Variants in MYCBP2 observed in about 807,000 individuals in gnomAD.
MYCBP2 encodes MYC binding protein 2.
MYCBP2 carries 120 observed loss-of-function variants against 525.3 expected under a neutral mutation model. The ratio of observed to expected loss-of-function variants is 0.23; its 90% CI spans 0.20 to 0.27. MYCBP2 has a LOEUF of 0.27. MYCBP2 is among the 10% of genes least tolerant of loss of function. MYCBP2 has a pLI of 1.00. For missense variants in MYCBP2, 4,149 were observed against 5,657.1 expected (o/e 0.73, Z 8.55); for synonymous variants, 1,894 against 1,955.8 (o/e 0.97, Z 0.83).
At chr13:77,174,602 A>T (rs2059434893) in intron 36 of MYCBP2, 113 bp from the exon 37 acceptor site, 1 of 758,724 alleles carries the variant, frequency 1.3e-6, no homozygotes, top group Non-Finnish European at 2.1e-6. Context: ...ATATTTACAG[A>T]TGATATAATT....
rs1237558839 is a variant in MYCBP2 at position 77,326,216 on chromosome 13, A to G, written c.302+258T>C. Among the ~76,000 whole-genome samples, 3 of 141,336 alleles carry G rather than the reference A, an allele frequency of 2.1e-5. No homozygotes were observed. The East Asian group carries it at 6.1e-4, about 29-fold the overall frequency. 92.7% of individuals were successfully genotyped at this position (141,336 alleles called of 152,430 possible). A position where few individuals can be genotyped will look rare whatever the true frequency, so the allele number is the denominator to read the frequency against. On this transcript the variant is annotated intron_variant, in intron 1 of 82. Coordinates refer to ENST00000544440, the MANE Select transcript of MYCBP2 (RefSeq NM_015057.5). This position sits in a 1 kb window ranked among gnomAD's most constrained non-coding sequence, Gnocchi z 4.2. ...ATCACAGGTTCCCCTACCACCCCTC[A>G]CTATCCCCCCACATAGGCAGGCAGA... is the stretch of plus-strand genomic sequence containing the variant.
Position 77,174,372 on chromosome 13 carries a change from T to G in MYCBP2, c.5590A>C (p.Ser1864Arg). The G allele has an allele frequency of 6.2e-7, 1 of 1,614,218 alleles. No homozygotes were observed. Among genetic ancestry groups the G allele is most frequent in the Non-Finnish European group, 8.5e-7 (1 of 1,180,026 alleles). ...DGVTFTFSTCSLSSNGTNQTR... is the reference protein window; with the variant it reads ...DGVTFTFSTCRLSSNGTNQTR... ...TGGTTTGTGCCGTTACTGCTCAAGC[T>G]GCACGTGCTGAATGTGAATGTCACA... The change falls in exon 37 of 83, where the codon AGC becomes CGC. Residue 1864 changes from serine (S) to arginine (R), a missense_variant. This residue lies in a region of MYCBP2 where 109 missense variants were observed against 118.9 expected (regional missense o/e 0.92). Transcript: ENST00000544440.
intron 41 of MYCBP2, among the ~76,000 whole-genome samples, chr13:77,165,921 C>A (rs2058471813): frequency 6.6e-6 from 1 of 152,176 alleles, no homozygotes. Flanking sequence ...TTTCTCTTCA[C>A]ACAAGAAAGT....
chr13:77,097,317 C>T, intron 56 of MYCBP2, 53 bp downstream of exon 56: 5 of 1,533,164 alleles, frequency 3.3e-6, no homozygotes, highest in Non-Finnish European at 4.4e-6. Flanking sequence ...ATAAAGTGAT[C>T]TGGTTCATTA....
chr13:77,048,544 A>G (rs577609623), intron 82 of MYCBP2, among the ~76,000 whole-genome samples: 114 of 152,302 alleles, frequency 7.5e-4, no homozygotes, highest in African/African-American at 2.6e-3. Context: ...CCAGTTCTCT[A>G]AATGAATGGA....
At chr13:77,220,872 A>G (rs1297085171) in intron 20 of MYCBP2, among the ~76,000 whole-genome samples, 1 of 152,306 alleles carries the variant, frequency 6.6e-6, no homozygotes, top group East Asian at 1.9e-4. Context: ...GGCACAGTAT[A>G]TAGGTATGAC....
In MYCBP2 at chr13:77,071,271, G is replaced by GCACACACACACACACA. The variant is rs71814048; in HGVS notation, c.11824-576_11824-561dup. Among the ~76,000 whole-genome samples, 16 of 142,730 alleles carry GCACACACACACACACA rather than the reference G, an allele frequency of 1.1e-4. No homozygotes were observed. In the East Asian group the frequency reaches 1.4e-3, roughly 13 times the overall value. 93.6% of individuals were successfully genotyped at this position (142,730 alleles called of 152,430 possible). ...TATATGCATGCACGTGTGTGCACAC[G>GCACACACACACACACA]CACACACACACACACACACACACAC... On this transcript the variant is annotated intron_variant, in intron 68 of 82. Transcript: ENST00000544440.
At chr13:77,213,489 A>T (rs564953369) in intron 21 of MYCBP2, among the ~76,000 whole-genome samples, 9 of 152,198 alleles carry the variant, frequency 5.9e-5, no homozygotes, top group Non-Finnish European at 1.3e-4. Context: ...AAAAGAAAAA[A>T]AAAAGTAAAT....
rs78111387 is a variant in MYCBP2 at position 77,258,155 on chromosome 13, G to T, written c.2018-326C>A. 2.4e-3 allele frequency among the ~76,000 whole-genome samples: 364 copies of T among 152,222 alleles called. 4 individuals carry two copies. Among genetic ancestry groups the T allele is most frequent in the African/African-American group, 8.5e-3 (354 of 41,524 alleles). On this transcript the variant is annotated intron_variant, in intron 13 of 82. Coordinates refer to ENST00000544440, the MANE Select transcript of MYCBP2 (RefSeq NM_015057.5). Reference sequence around the variant, plus strand: ...AAACTTTTCTGGTCTAAGCACAAAGGAGTCCATAAATAATTTATTTTACCT... The same window carrying T: ...AAACTTTTCTGGTCTAAGCACAAAGTAGTCCATAAATAATTTATTTTACCT...
chr13:77,088,570 TA>T (rs947051626), intron 61 of MYCBP2, among the ~76,000 whole-genome samples: 9 of 152,022 alleles, frequency 5.9e-5, no homozygotes, highest in East Asian at 5.8e-4. Flanking sequence ...AAAAAGCTTT[TA>T]AAAAAAAGAT....
intron 3 of MYCBP2, among the ~76,000 whole-genome samples, chr13:77,285,612 C>A (rs914706996): frequency 6.6e-6 from 1 of 152,076 alleles, no homozygotes; most frequent in African/African-American, 2.4e-5. Flanking sequence ...CATGGAGAAA[C>A]CCCATCTCTA....
intron 2 of MYCBP2, among the ~76,000 whole-genome samples, chr13:77,290,824 A>T (rs1368026355): frequency 6.6e-6 from 1 of 152,234 alleles, no homozygotes; most frequent in Non-Finnish European, 1.5e-5. Flanking sequence ...TGATAAAATT[A>T]CACAGACTTA....
chr13:77,284,298 C>T (rs547519811), intron 3 of MYCBP2, among the ~76,000 whole-genome samples: 1 of 151,342 alleles, frequency 6.6e-6, no homozygotes, highest in Non-Finnish European at 1.5e-5. Flanking sequence ...GACAGCCACA[C>T]ACTTAGGAGG....
At chr13:77,103,708 T>C (rs955815867) in intron 55 of MYCBP2, among the ~76,000 whole-genome samples, 1 of 152,066 alleles carries the variant, frequency 6.6e-6, no homozygotes, top group Non-Finnish European at 1.5e-5. Context: ...ATATTACTTA[T>C]ATTACTCATG....
chr13:77,079,258 G>C (rs1033227218), intron 65 of MYCBP2, among the ~76,000 whole-genome samples: 1 of 152,140 alleles, frequency 6.6e-6, no homozygotes, highest in Non-Finnish European at 1.5e-5. Context: ...TATAAAGAGG[G>C]AAGGTAACTG....
chr13:77,155,104 T>C (rs1369683200), intron 46 of MYCBP2, among the ~76,000 whole-genome samples: 1 of 152,114 alleles, frequency 6.6e-6, no homozygotes, highest in African/African-American at 2.4e-5. Context: ...AAGATACTGC[T>C]AAAAGACTGA....
At chr13:77,266,197 C>T (rs569431918) in intron 8 of MYCBP2, among the ~76,000 whole-genome samples, 1 of 152,170 alleles carries the variant, frequency 6.6e-6, no homozygotes, top group East Asian at 1.9e-4. Context: ...TATTAGTACC[C>T]ATGTGTTATA....
chr13:77,233,602 T>C (rs1013611576), intron 17 of MYCBP2, among the ~76,000 whole-genome samples: 2 of 152,110 alleles, frequency 1.3e-5, no homozygotes, highest in African/African-American at 4.8e-5. Flanking sequence ...TTTAATATCA[T>C]ATATATTCAA....
At chr13:77,323,356 T>C (rs75199997) in intron 1 of MYCBP2, among the ~76,000 whole-genome samples, 3,263 of 152,314 alleles carry the variant, frequency 0.021, 61 homozygotes, top group Non-Finnish European at 0.034. Context: ...ATTAATTCAT[T>C]TGACATTGAC....
Sources: gnomAD v4.1 joint callset for allele counts (sites outside exome capture counted in the v4.1 genomes callset) on GRCh38, gnomAD v4.1.1 for gene constraint, gnomAD v4.1.1 regional missense constraint, Gnocchi (gnomAD v3.1) non-coding constraint, MANE v1.5 for transcripts, NCBI Gene and HGNC (gene_info 2026-07-23, HGNC 2026-07-21) for gene names.